The following KIF6 variants were observed in gnomAD, a reference collection of about 807,000 sequenced individuals.
The protein encoded by KIF6 is kinesin-like protein KIF6.
Under a neutral mutation model 112.7 loss-of-function variants are expected in KIF6, and 106 were observed. The ratio of observed to expected loss-of-function variants is 0.94; its 90% CI spans 0.80 to 1.11. The LOEUF is 1.11. KIF6 is among the 50% of genes least tolerant of loss of function. KIF6 has a pLI of 0.00. For synonymous variants in KIF6, 339 were observed against 339.9 expected, an observed-to-expected ratio of 1.00 and a Z score of 0.03; for missense variants, 929 against 964.0, an observed-to-expected ratio of 0.96 and a Z score of 0.48.
intron 3 of KIF6, among the ~76,000 whole-genome samples, chr6:39,648,220 G>A (rs1288301952): frequency 1.4e-5 from 1 of 69,134 alleles, no homozygotes; most frequent in East Asian, 4.6e-4. Flanking sequence ...GACGGGGGGC[G>A]GGCGGGGGGG....
chr6:39,455,846 G>A (rs1262830176), intron 13 of KIF6, among the ~76,000 whole-genome samples: 1 of 142,228 alleles, frequency 7.0e-6, no homozygotes. Flanking sequence ...AATGAGCAAA[G>A]CCTCCAAGAA....
At chr6:39,472,433 G>A (rs1774172652) in intron 13 of KIF6, among the ~76,000 whole-genome samples, 1 of 152,068 alleles carries the variant, frequency 6.6e-6, no homozygotes, top group African/African-American at 2.4e-5. Context: ...AAATTGTTGA[G>A]ACTTTTGCCT....
At chr6:39,542,093 C>A (rs1250942462) in intron 12 of KIF6, among the ~76,000 whole-genome samples, 1 of 152,116 alleles carries the variant, frequency 6.6e-6, no homozygotes, top group Non-Finnish European at 1.5e-5. Flanking sequence ...GTAGGCAGGG[C>A]AAGATCATCC....
At chr6:39,525,077 C>G (rs1193979856) in intron 13 of KIF6, among the ~76,000 whole-genome samples, 2 of 152,148 alleles carry the variant, frequency 1.3e-5, no homozygotes, top group African/African-American at 2.4e-5. Flanking sequence ...TCAGTCTGGG[C>G]AATTTGTCTT....
At chr6:39,392,381 C>T (rs1051493463) in intron 15 of KIF6, among the ~76,000 whole-genome samples, 4 of 152,182 alleles carry the variant, frequency 2.6e-5, no homozygotes, top group Admixed American at 6.5e-5. Flanking sequence ...TCTGTGAGAA[C>T]ATTTCTCTGC....
chr6:39,639,685 T>C lies in KIF6; in HGVS notation c.324A>G (p.Thr108=). The change falls in exon 4 of 23, where the codon ACA becomes ACG. Residue 108 remains threonine, a synonymous_variant. Coordinates refer to ENST00000287152, the MANE Select transcript of KIF6 (RefSeq NM_145027.6). ...TGTCACTGTAACGCTCTGCACCCCC[T>C]GTGATAGTGAATGTCTTCCCGCTGC... ...QTGSGKTFTI[T]GGAERYSDRG... 1.2e-6 allele frequency: 2 copies of C among 1,612,324 alleles called. No homozygotes were observed. The highest frequency in any genetic ancestry group is 1.7e-6 in the Non-Finnish European group (2 of 1,178,964).
chr6:39,527,064 T>C (rs1582053504), intron 13 of KIF6, among the ~76,000 whole-genome samples: 2 of 152,246 alleles, frequency 1.3e-5, no homozygotes, highest in African/African-American at 4.8e-5. Flanking sequence ...ATTGGGTATA[T>C]TGAGACTTTA....
At chr6:39,539,902 CAAAG>C (rs1778690471) in intron 13 of KIF6, 97 bp downstream of exon 13, 1 of 831,276 alleles carries the variant, frequency 1.2e-6, no homozygotes, top group Admixed American at 2.6e-5. Flanking sequence ...ATAATTCTAA[CAAAG>C]AAATTGAGCC....
chr6:39,671,143 A>G (rs1031459517), intron 3 of KIF6, among the ~76,000 whole-genome samples: 1 of 152,258 alleles, frequency 6.6e-6, no homozygotes, highest in Non-Finnish European at 1.5e-5. Context: ...ACTACTAAAG[A>G]CACAGACCAA....
chr6:39,463,445 A>C (rs1004903266), intron 13 of KIF6, among the ~76,000 whole-genome samples: 1 of 152,238 alleles, frequency 6.6e-6, no homozygotes, highest in African/African-American at 2.4e-5. Flanking sequence ...ATATTTCAAC[A>C]AAAGAGACGA....
chr6:39,389,435 A>G (rs1247330380), intron 15 of KIF6, among the ~76,000 whole-genome samples: 1 of 152,116 alleles, frequency 6.6e-6, no homozygotes, highest in African/African-American at 2.4e-5. Context: ...CTTATCTCTC[A>G]TCTACTATCG....
chr6:39,686,857 T>G (rs1279118886), intron 3 of KIF6, among the ~76,000 whole-genome samples: 2 of 152,238 alleles, frequency 1.3e-5, no homozygotes. Flanking sequence ...TTAAAGCTAG[T>G]GTATACCTGA....
chr6:39,338,880 G>A (rs1763166907), intron 22 of KIF6, among the ~76,000 whole-genome samples: 1 of 142,420 alleles, frequency 7.0e-6, no homozygotes, highest in Non-Finnish European at 1.5e-5. Flanking sequence ...GGAGCATGGA[G>A]TCTGAGCCAT....
intron 3 of KIF6, among the ~76,000 whole-genome samples, chr6:39,689,330 T>C (rs1028687010): frequency 6.6e-6 from 1 of 152,046 alleles, no homozygotes; most frequent in Non-Finnish European, 1.5e-5. Context: ...ACCCTGTCTC[T>C]ACAACAAATA....
chr6:39,407,138 C>T (rs916710458), intron 15 of KIF6, among the ~76,000 whole-genome samples: 4 of 151,628 alleles, frequency 2.6e-5, no homozygotes, highest in Admixed American at 6.6e-5. Flanking sequence ...TTTTTGTTGC[C>T]GTTTAAGCAG....
chr6:39,469,347 T>A (rs1021422476), intron 13 of KIF6, among the ~76,000 whole-genome samples: 1 of 151,792 alleles, frequency 6.6e-6, no homozygotes. Context: ...GCAAATAGAT[T>A]AAAAATCCAA....
At chr6:39,479,569 T>C (rs972573337) in intron 13 of KIF6, among the ~76,000 whole-genome samples, 4 of 152,180 alleles carry the variant, frequency 2.6e-5, no homozygotes, top group African/African-American at 9.7e-5. Context: ...AGTCTTGCTT[T>C]GGCTATGTGG....
rs1389495263 is a variant in KIF6, at chr6:39,334,402, G to A, written c.*2130C>T. On this transcript the variant is annotated 3_prime_UTR_variant, in exon 23 of 23. Coordinates refer to ENST00000287152, the MANE Select transcript of KIF6 (RefSeq NM_145027.6). ...TTGAGACCATCCTGAGCCACACAGT[G>A]AGACCCTGTCTCTACAAAAAATTTA... is the stretch of plus-strand genomic sequence containing the variant. 1 of 152,288 alleles carries A rather than the reference G, an allele frequency of 6.6e-6. No homozygotes were observed. Among genetic ancestry groups the A allele is most frequent in the Non-Finnish European group, 1.5e-5 (1 of 68,112 alleles). 9.4% of individuals were successfully genotyped at this position (152,288 alleles called of 1,614,324 possible). A position where few individuals can be genotyped will look rare whatever the true frequency, so the allele number is the denominator to read the frequency against.
intron 13 of KIF6, among the ~76,000 whole-genome samples, chr6:39,504,716 G>T (rs1313103846): frequency 6.6e-6 from 1 of 152,154 alleles, no homozygotes; most frequent in Non-Finnish European, 1.5e-5. Context: ...CAGGCAAGCT[G>T]AGAGCCAAAT....
Sources: gnomAD v4.1 joint callset for allele counts (sites outside exome capture counted in the v4.1 genomes callset) on GRCh38, gnomAD v4.1.1 for gene constraint, MANE v1.5 for transcripts, NCBI Gene and HGNC (gene_info 2026-07-23, HGNC 2026-07-21) for gene names.